Variants in GALNT17 observed in about 807,000 individuals in gnomAD.
GALNT17 encodes the protein polypeptide N-acetylgalactosaminyltransferase 17.
In GALNT17, 29 loss-of-function variants were observed where a neutral mutation model predicts 63.7. The observed-to-expected ratio is 0.46, with a 90% CI of 0.34 to 0.62. The LOEUF is 0.62. GALNT17 is among the 20% of genes least tolerant of loss of function. The pLI, the probability that GALNT17 is intolerant of heterozygous loss-of-function variation, is 0.01. For missense variants in GALNT17, 603 were observed against 799.6 expected, an observed-to-expected ratio of 0.75 and a Z score of 2.97; for synonymous variants, 305 against 318.3, an observed-to-expected ratio of 0.96 and a Z score of 0.45.
intron 6 of GALNT17, among the ~76,000 whole-genome samples, chr7:71,627,011 A>G (rs78850529): frequency 0.11 from 17,183 of 152,232 alleles, 1,154 homozygotes; most frequent in Non-Finnish European, 0.15. Context: ...ACCTCGGGGT[A>G]AAGGAACATG....
At chr7:71,706,686 G>A (rs964855287) in intron 9 of GALNT17, among the ~76,000 whole-genome samples, 1 of 152,126 alleles carries the variant, frequency 6.6e-6, no homozygotes, top group Non-Finnish European at 1.5e-5. Flanking sequence ...TAAAGCACAC[G>A]TTAACCACAT....
chr7:71,205,165 T>A (rs919159620), intron 1 of GALNT17, among the ~76,000 whole-genome samples: 2 of 144,870 alleles, frequency 1.4e-5, no homozygotes, highest in African/African-American at 5.0e-5. Context: ...TTTTTTTTTT[T>A]TTTTTTTGAG....
intron 5 of GALNT17, among the ~76,000 whole-genome samples, chr7:71,503,966 C>A (rs7805478): frequency 0.59 from 88,679 of 151,244 alleles, 27,571 homozygotes; most frequent in Non-Finnish European, 0.71. Flanking sequence ...CGGTGGCTCA[C>A]GCCTATAATC....
At chr7:71,384,996 T>C (rs1356760910) in intron 2 of GALNT17, among the ~76,000 whole-genome samples, 1 of 152,178 alleles carries the variant, frequency 6.6e-6, no homozygotes, top group Non-Finnish European at 1.5e-5. Flanking sequence ...TAGAAGTGTT[T>C]AATGTGCTTT....
At chr7:71,443,035 C>G (rs1787097042) in intron 5 of GALNT17, among the ~76,000 whole-genome samples, 1 of 152,126 alleles carries the variant, frequency 6.6e-6, no homozygotes, top group Non-Finnish European at 1.5e-5. Flanking sequence ...TCTGTGGCGG[C>G]TGCAGGAGGT....
intron 1 of GALNT17, among the ~76,000 whole-genome samples, chr7:71,312,374 TC>T (rs1791426986): frequency 6.6e-6 from 1 of 152,204 alleles, no homozygotes. Context: ...GCTCTTATCA[TC>T]CTATTTACCT....
At chr7:71,448,029 C>T (rs1398349360) in intron 5 of GALNT17, among the ~76,000 whole-genome samples, 1 of 152,080 alleles carries the variant, frequency 6.6e-6, no homozygotes, top group African/African-American at 2.4e-5. Flanking sequence ...TGGTGCATAT[C>T]TTCAAATAAC....
At chr7:71,504,384 C>T (rs964897795) in intron 5 of GALNT17, among the ~76,000 whole-genome samples, 5 of 150,748 alleles carry the variant, frequency 3.3e-5, no homozygotes, top group African/African-American at 4.9e-5. Context: ...AGCTAGACTC[C>T]GTCTCAATAA....
intron 1 of GALNT17, among the ~76,000 whole-genome samples, chr7:71,161,685 A>G (rs1441386809): frequency 6.6e-6 from 1 of 152,104 alleles, no homozygotes; most frequent in African/African-American, 2.4e-5. Context: ...CTTTTTTTAT[A>G]CTTGGGAATT....
At chr7:71,175,427 A>G (rs1055335451) in intron 1 of GALNT17, among the ~76,000 whole-genome samples, 6 of 152,122 alleles carry the variant, frequency 3.9e-5, no homozygotes, top group Admixed American at 6.5e-5. Context: ...TCATCTATCT[A>G]TCTTATCTAT....
At chr7:71,296,873 G>A in intron 1 of GALNT17, among the ~76,000 whole-genome samples, 1 of 152,048 alleles carries the variant, frequency 6.6e-6, no homozygotes. Context: ...TTTTTTCGCT[G>A]CTGTGTCATT....
intron 2 of GALNT17, among the ~76,000 whole-genome samples, chr7:71,343,110 C>CCT (rs1457949388): frequency 6.6e-6 from 1 of 152,198 alleles, no homozygotes; most frequent in East Asian, 1.9e-4. Context: ...ACCAAATTAA[C>CCT]CTCTCTTCAT....
chr7:71,657,027 G>T (rs1170419411), intron 6 of GALNT17, among the ~76,000 whole-genome samples: 2 of 152,116 alleles, frequency 1.3e-5, no homozygotes, highest in African/African-American at 4.8e-5. Flanking sequence ...ACTCTCACCA[G>T]AATATTTTGG....
chr7:71,307,620 C>T (rs1791329949), intron 1 of GALNT17: 1 of 152,504 alleles, frequency 6.6e-6, no homozygotes, highest in African/African-American at 2.4e-5. Flanking sequence ...AGGAAGTCTT[C>T]CTTGGTTGCA....
chr7:71,504,091 G>A (rs953609460), intron 5 of GALNT17, among the ~76,000 whole-genome samples: 2 of 152,100 alleles, frequency 1.3e-5, no homozygotes, highest in Non-Finnish European at 2.9e-5. Flanking sequence ...ATCCGGGCAT[G>A]GTGGCGGGAA....
At chr7:71,620,401 C>A (rs1790273299) in intron 6 of GALNT17, among the ~76,000 whole-genome samples, 1 of 151,998 alleles carries the variant, frequency 6.6e-6, no homozygotes, top group Non-Finnish European at 1.5e-5. Context: ...GAATGGAGCC[C>A]AAGAGTTTGA....
At chr7:71,359,545 G>T (rs544905967) in intron 2 of GALNT17, among the ~76,000 whole-genome samples, 1 of 151,996 alleles carries the variant, frequency 6.6e-6, no homozygotes, top group East Asian at 1.9e-4. Flanking sequence ...TCAATATGGC[G>T]TGTCAAATAT....
chr7:71,552,018 ATTTATTTAT>A (rs1237421225), intron 5 of GALNT17, among the ~76,000 whole-genome samples: 17 of 58,128 alleles, frequency 2.9e-4, no homozygotes, highest in Middle Eastern at 8.6e-3. Flanking sequence ...CTTTTTATTT[ATTTATTTAT>A]TTATTTATTT....
intron 5 of GALNT17, among the ~76,000 whole-genome samples, chr7:71,536,206 G>GCATTTA (rs1185550081): frequency 6.6e-6 from 1 of 152,074 alleles, no homozygotes; most frequent in Admixed American, 6.6e-5. Flanking sequence ...TGGCAGGCTC[G>GCATTTA]CATTTACCCA....
Sources: gnomAD v4.1 joint callset for allele counts (sites outside exome capture counted in the v4.1 genomes callset) on GRCh38, gnomAD v4.1.1 for gene constraint, MANE v1.5 for transcripts, NCBI Gene and HGNC (gene_info 2026-07-23, HGNC 2026-07-21) for gene names.